PLCH2: variants seen among roughly 807,000 people sequenced by gnomAD.
PLCH2 encodes the protein phospholipase C eta 2, also known as 1-phosphatidylinositol 4,5-bisphosphate phosphodiesterase eta-2.
In PLCH2, 98 loss-of-function variants were observed where a neutral mutation model predicts 134.7. The observed-to-expected ratio is 0.73, with a 90% CI of 0.62 to 0.86. The LOEUF is 0.86. Among genes scored for constraint, PLCH2 ranks in the 40% least tolerant of loss-of-function variants. The pLI is 0.00. For missense variants in PLCH2, 1,994 were observed against 1,986.6 expected (o/e 1.00, Z -0.07); for synonymous variants, 974 against 827.5 (o/e 1.18, Z -3.04).
intron 2 of PLCH2, among the ~76,000 whole-genome samples, chr1:2,458,444 C>A (rs1171254762): frequency 6.6e-6 from 1 of 152,190 alleles, no homozygotes; most frequent in Non-Finnish European, 1.5e-5. Context: ...GACAGTCCCC[C>A]TTGGGCACTG....
intron 20 of PLCH2, 166 bp from the exon 21 acceptor site, chr1:2,501,946 G>A (rs1455572383): frequency 3.5e-6 from 2 of 572,986 alleles, no homozygotes; most frequent in Non-Finnish European, 5.8e-6. Flanking sequence ...CCCTGCTCCT[G>A]AAGGCCCTGG....
intron 4 of PLCH2, among the ~76,000 whole-genome samples, chr1:2,482,709 CA>C (rs894637848): frequency 1.3e-5 from 2 of 152,130 alleles, no homozygotes; most frequent in Non-Finnish European, 1.5e-5. Flanking sequence ...GAGGGGATCC[CA>C]GGGGAGCTGG....
chr1:2,467,445 TTCCTCACC>T (rs1641111451), upstream of PLCH2: 1 of 134,864 alleles, frequency 7.4e-6, no homozygotes, highest in African/African-American at 1.3e-4. Flanking sequence ...TCCCCTCGCC[TTCCTCACC>T]TTCCTCACGG....
rs555411126 is a variant in PLCH2 at position 2,497,780 on chromosome 1, G to A, written c.2224+171G>A. 4.7e-5 allele frequency: 26 copies of A among 552,154 alleles called. No individual in the cohort carries two copies. In the South Asian group the frequency reaches 6.0e-4, roughly 13 times the overall value. 34.2% of individuals were successfully genotyped at this position (552,154 alleles called of 1,614,324 possible). ...GAAGCTCCCAGGATGCTGGGGAGGT[G>A]GGTGGGGGAACCCTCCTTGCTAGCG... On this transcript the variant is annotated intron_variant, in intron 16 of 21. Transcript: ENST00000378486.
At chr1:2,450,791 C>T (rs557385103) in intron 2 of PLCH2, among the ~76,000 whole-genome samples, 4 of 141,250 alleles carry the variant, frequency 2.8e-5, no homozygotes, top group South Asian at 4.9e-4. Context: ...GGACCAGGCG[C>T]GTTCAAGGCC....
At chr1:2,463,830 T>C (rs545709080), upstream of PLCH2, among the ~76,000 whole-genome samples, 11 of 152,348 alleles carry the variant, frequency 7.2e-5, no homozygotes, top group East Asian at 1.2e-3. Flanking sequence ...GGCCAGGCCC[T>C]TGGAGAACTG....
chr1:2,420,625 G>A, the PLCH2 span, among the ~76,000 whole-genome samples: 1 of 152,192 alleles, frequency 6.6e-6, no homozygotes, highest in Middle Eastern at 3.2e-3. Context: ...TTACAGATGA[G>A]GAAACTGAGT....
intron 2 of PLCH2, among the ~76,000 whole-genome samples, chr1:2,443,726 G>T (rs1386793229): frequency 6.8e-6 from 1 of 147,872 alleles, no homozygotes; most frequent in Non-Finnish European, 1.5e-5. Context: ...GGTGTGGTGC[G>T]GGCGGCACGA....
chr1:2,483,579 TGCCCA>T, intron 4 of PLCH2, among the ~76,000 whole-genome samples: 1 of 152,230 alleles, frequency 6.6e-6, no homozygotes. Context: ...CACCCTGCCC[TGCCCA>T]GCCCTGGGCT....
At chr1:2,462,136 C>G (rs1225905804) in intron 2 of PLCH2, among the ~76,000 whole-genome samples, 3 of 126,004 alleles carry the variant, frequency 2.4e-5, no homozygotes, top group Non-Finnish European at 4.9e-5. Flanking sequence ...CTGATACCCC[C>G]TCCGCCTGAC....
intron 12 of PLCH2, 28 bp from the exon 13 acceptor site, chr1:2,495,460 A>G (rs1422205789): frequency 1.3e-6 from 2 of 1,547,238 alleles, no homozygotes; most frequent in South Asian, 1.2e-5. Context: ...CAGAGGCCCT[A>G]CAGCTCACAC....
In PLCH2 at chr1:2,505,318, T is replaced by C. The variant is rs1570520091; in HGVS notation, c.*105T>C. 2 of 834,010 alleles carry C rather than the reference T, an allele frequency of 2.4e-6. No individual in the cohort carries two copies. Among genetic ancestry groups the C allele is most frequent in the East Asian group, 5.6e-5 (2 of 35,614 alleles). The allele number at this position is 834,010 out of a possible 1,614,324, so 51.7% of individuals were successfully genotyped here. A position where few individuals can be genotyped will look rare whatever the true frequency, so the allele number is the denominator to read the frequency against. ...CCAGGCCCCCAAAACTGTGTCCCCC[T>C]GGCTGCCCTGTGTCCCCTCCACCCC... On this transcript the variant is annotated 3_prime_UTR_variant, in exon 22 of 22. Transcript: ENST00000378486.
upstream of PLCH2, among the ~76,000 whole-genome samples, chr1:2,423,232 C>T (rs369038824): frequency 1.6e-4 from 24 of 152,052 alleles, no homozygotes; most frequent in East Asian, 1.4e-3. Context: ...CTGTCCCCCA[C>T]GCTGGAATGC....
chr1:2,468,291 C>T (rs1004698396), intron 1 of PLCH2, among the ~76,000 whole-genome samples: 2 of 152,274 alleles, frequency 1.3e-5, no homozygotes, highest in South Asian at 2.1e-4. Context: ...TGGTCTGGCC[C>T]ATCCCGCTCC....
chr1:2,495,381 G>C, intron 12 of PLCH2, 107 bp from the exon 13 acceptor site: 1 of 873,370 alleles, frequency 1.1e-6, no homozygotes, highest in Non-Finnish European at 1.8e-6. Flanking sequence ...GAGGCTGCGT[G>C]GGCCGCTGGG....
intron 2 of PLCH2, among the ~76,000 whole-genome samples, chr1:2,458,086 G>A (rs1640586428): frequency 6.6e-6 from 1 of 152,134 alleles, no homozygotes. Flanking sequence ...TGTGAGTGGG[G>A]GTGGGCCATG....
intron 18 of PLCH2, 67 bp from the exon 19 acceptor site, chr1:2,499,017 T>C: frequency 6.5e-7 from 1 of 1,544,932 alleles, no homozygotes; most frequent in Non-Finnish European, 8.8e-7. Context: ...GGCCGGGGGC[T>C]CCAGGCTGGA....
At chr1:2,417,221 G>A in the PLCH2 span, among the ~76,000 whole-genome samples, 1 of 152,168 alleles carries the variant, frequency 6.6e-6, no homozygotes, top group Non-Finnish European at 1.5e-5. Flanking sequence ...GCTGTCATCT[G>A]GGGTGAACCG....
intron 2 of PLCH2, among the ~76,000 whole-genome samples, chr1:2,431,593 C>T (rs1639074875): frequency 6.6e-6 from 1 of 152,152 alleles, no homozygotes; most frequent in African/African-American, 2.4e-5. Flanking sequence ...TTCCAGAGTC[C>T]TGGAGAGCTT....
Sources: gnomAD v4.1 joint callset for allele counts (sites outside exome capture counted in the v4.1 genomes callset) on GRCh38, gnomAD v4.1.1 for gene constraint, MANE v1.5 for transcripts, NCBI Gene and HGNC (gene_info 2026-07-23, HGNC 2026-07-21) for gene names.